Variants in RGS7 observed in about 807,000 individuals in gnomAD.
RGS7 encodes regulator of G-protein signaling 7.
RGS7 carries 27 observed loss-of-function variants against 81.1 expected under a neutral mutation model. The ratio of observed to expected loss-of-function variants is 0.33; its 90% CI spans 0.25 to 0.46. The LOEUF is 0.46. RGS7 is among the 20% of genes least tolerant of loss of function. The pLI is 1.00. For synonymous variants in RGS7, 208 were observed against 207.7 expected, an observed-to-expected ratio of 1.00 and a Z score of -0.01; for missense variants, 396 against 607.4, an observed-to-expected ratio of 0.65 and a Z score of 3.66.
chr1:241,053,712 G>A (rs1010037791), intron 3 of RGS7, among the ~76,000 whole-genome samples: 8 of 152,240 alleles, frequency 5.3e-5, no homozygotes, highest in Admixed American at 1.3e-4. Context: ...TGTAGCTCCC[G>A]TAATTCCCAC....
intron 2 of RGS7, among the ~76,000 whole-genome samples, chr1:241,315,304 T>C (rs34371667): frequency 1.8e-4 from 27 of 151,992 alleles, no homozygotes; most frequent in Non-Finnish European, 1.5e-4. Flanking sequence ...GTAATTAAAG[T>C]GGACCTCCTA....
chr1:240,969,296 C>T (rs576871367), intron 4 of RGS7, among the ~76,000 whole-genome samples: 4 of 152,218 alleles, frequency 2.6e-5, no homozygotes, highest in South Asian at 2.1e-4. Context: ...GAAAGTGAGG[C>T]TCTAAAAAGA....
At chr1:241,341,035 C>T (rs978455110) in intron 2 of RGS7, among the ~76,000 whole-genome samples, 4 of 152,168 alleles carry the variant, frequency 2.6e-5, no homozygotes, top group Non-Finnish European at 2.9e-5. Context: ...ATTTAACCAT[C>T]GTTTGGAGGA....
At chr1:240,900,533 G>T (rs935682412) in intron 6 of RGS7, among the ~76,000 whole-genome samples, 1 of 152,164 alleles carries the variant, frequency 6.6e-6, no homozygotes, top group South Asian at 2.1e-4. Context: ...TCAGCTGCAG[G>T]TTTGTTGGAG....
chr1:240,885,239 A>G (rs958635570), intron 6 of RGS7, among the ~76,000 whole-genome samples: 8 of 152,186 alleles, frequency 5.3e-5, no homozygotes, highest in African/African-American at 1.9e-4. Context: ...ATTACTAAAA[A>G]GTCAAAAAAC....
At chr1:240,832,684 G>C (rs1694048576) in intron 9 of RGS7, among the ~76,000 whole-genome samples, 1 of 152,216 alleles carries the variant, frequency 6.6e-6, no homozygotes. Flanking sequence ...GACAGTGAGA[G>C]AGAGGAATAC....
intron 3 of RGS7, among the ~76,000 whole-genome samples, chr1:241,059,579 T>C (rs1417484476): frequency 6.6e-6 from 1 of 152,144 alleles, no homozygotes; most frequent in Admixed American, 6.5e-5. Flanking sequence ...TTTTCGTTTG[T>C]GGATGAGTGA....
At chr1:241,229,123 A>G (rs1315604930) in intron 2 of RGS7, among the ~76,000 whole-genome samples, 3 of 152,058 alleles carry the variant, frequency 2.0e-5, no homozygotes, top group Non-Finnish European at 4.4e-5. Context: ...ACAAATTTGG[A>G]AAATGCAATG....
At chr1:241,289,541 C>G (rs1489233686) in intron 2 of RGS7, among the ~76,000 whole-genome samples, 4 of 152,196 alleles carry the variant, frequency 2.6e-5, no homozygotes, top group African/African-American at 9.7e-5. Flanking sequence ...GAAGTTTTCT[C>G]ATTCAATTTT....
chr1:240,887,754 A>G (rs1399539244), intron 6 of RGS7, among the ~76,000 whole-genome samples: 5 of 152,184 alleles, frequency 3.3e-5, no homozygotes, highest in Non-Finnish European at 5.9e-5. Context: ...TAAAACATGT[A>G]ACTAGTTTTA....
chr1:241,338,817 C>T (rs919928342), intron 2 of RGS7, among the ~76,000 whole-genome samples: 2 of 151,880 alleles, frequency 1.3e-5, no homozygotes, highest in Non-Finnish European at 2.9e-5. Context: ...CTGTACAGTA[C>T]TCTGATAAAG....
At position 241,288,937 on chromosome 1, in the gene RGS7, G is replaced by A. The variant is rs143499004; in HGVS notation, c.78+66762C>T. On this transcript the variant is annotated intron_variant, in intron 2 of 18. Transcript: ENST00000440928. The stretch of plus-strand genomic sequence containing the variant: ...GATTATCACAAGGATCCCTCCCAGT[G>A]ACCACATTTTCTGACATCAGCCTAA... Among the ~76,000 whole-genome samples, 149 of 150,966 alleles carry A rather than the reference G, an allele frequency of 9.9e-4. 1 individual carries two copies. Among genetic ancestry groups the A allele is most frequent in the African/African-American group, 3.5e-3 (145 of 41,260 alleles).
chr1:240,815,319 G>A, intron 11 of RGS7, among the ~76,000 whole-genome samples: 1 of 152,100 alleles, frequency 6.6e-6, no homozygotes, highest in East Asian at 1.9e-4. Flanking sequence ...TCCAGCCTGG[G>A]TGACAGAACA....
chr1:240,834,516 G>T (rs1019012421), intron 9 of RGS7, among the ~76,000 whole-genome samples: 7 of 151,800 alleles, frequency 4.6e-5, no homozygotes, highest in Middle Eastern at 3.2e-3. Context: ...GGTTTTTTTT[G>T]TTTGTTTGTT....
At chr1:241,185,047 G>A (rs1363382634) in intron 2 of RGS7, among the ~76,000 whole-genome samples, 1 of 152,076 alleles carries the variant, frequency 6.6e-6, no homozygotes, top group Non-Finnish European at 1.5e-5. Flanking sequence ...GAAAAATCAG[G>A]TAAAGTTTAT....
At chr1:241,072,384 C>T (rs1483882212) in intron 3 of RGS7, among the ~76,000 whole-genome samples, 2 of 152,112 alleles carry the variant, frequency 1.3e-5, no homozygotes, top group Admixed American at 6.5e-5. Flanking sequence ...CCACGGCTGT[C>T]GCAGGCCATT....
intron 2 of RGS7, among the ~76,000 whole-genome samples, chr1:241,099,981 A>T (rs2064595571): frequency 6.6e-6 from 1 of 151,776 alleles, no homozygotes; most frequent in Admixed American, 6.6e-5. Flanking sequence ...TAAAGAGTGT[A>T]TGGGAATTCT....
At chr1:240,906,543 G>A (rs1235506995) in intron 6 of RGS7, among the ~76,000 whole-genome samples, 1 of 152,228 alleles carries the variant, frequency 6.6e-6, no homozygotes. Context: ...AGTATAAGCA[G>A]TCTTTGCAAG....
chr1:240,808,798 C>T (rs996040449), intron 14 of RGS7, among the ~76,000 whole-genome samples: 3 of 151,800 alleles, frequency 2.0e-5, no homozygotes, highest in Admixed American at 1.3e-4. Flanking sequence ...TCAGTTGAGC[C>T]CAGGATTTCA....
Sources: gnomAD v4.1 joint callset for allele counts (sites outside exome capture counted in the v4.1 genomes callset) on GRCh38, gnomAD v4.1.1 for gene constraint, MANE v1.5 for transcripts, NCBI Gene and HGNC (gene_info 2026-07-23, HGNC 2026-07-21) for gene names.